CR2: variants seen among roughly 807,000 people sequenced by gnomAD.
CR2 encodes the protein complement C3d receptor 2.
CR2 carries 96 observed loss-of-function variants against 123.0 expected under a neutral mutation model. The observed-to-expected ratio is 0.78, with a 90% confidence interval of 0.66 to 0.93. CR2 has a LOEUF of 0.93. Ranked by LOEUF, CR2 falls within the 40% of genes least tolerant of loss-of-function variation. CR2 has a pLI of 0.00. For missense variants in CR2, 1,258 were observed against 1,361.0 expected, an observed-to-expected ratio of 0.92 and a Z score of 1.19; for synonymous variants, 484 against 469.5, an observed-to-expected ratio of 1.03 and a Z score of -0.40.
In CR2 at chr1:207,466,802, A is replaced by G; in HGVS notation, c.335A>G (p.Asp112Gly). The G allele has an allele frequency of 6.2e-7, 1 of 1,614,010 alleles. No individual in the cohort carries two copies. Among genetic ancestry groups the G allele is most frequent in the Non-Finnish European group, 8.5e-7 (1 of 1,179,978 alleles). The stretch of plus-strand genomic sequence containing the variant: ...GGCTCTACACCCTACAGACATGGTG[A>G]TTCTGTGACATTTGCCTGTAAAACC... ...IRGSTPYRHG[D>G]SVTFACKTNF... The change falls in exon 2 of 20, where the codon GAT becomes GGT. Residue 112 changes from aspartate (D) to glycine (G), a missense_variant. Transcript: ENST00000367057.
At chr1:207,473,477 G>A (rs1397787417) in intron 10 of CR2, 68 bp from the exon 11 acceptor site, 2 of 1,473,852 alleles carry the variant, frequency 1.4e-6, no homozygotes, top group Non-Finnish European at 1.9e-6. Flanking sequence ...GTCCAATGTT[G>A]TACACTTAGT....
rs1384405322 is a variant in CR2, at chr1:207,474,888, C to T, written c.2388C>T (p.Asn796=). 3.7e-6 allele frequency: 6 copies of T among 1,614,052 alleles called. No homozygotes were observed. The highest frequency in any genetic ancestry group is 1.1e-5 in the South Asian group (1 of 91,088). The change falls in exon 14 of 20, where the codon AAC becomes AAT. Residue 796 remains asparagine, a synonymous_variant. Coordinates refer to ENST00000367057, the MANE Select transcript of CR2 (RefSeq NM_001006658.3). ...AGCACACAGGCATGATGGCAGAAAA[C>T]TTTCTATATGGAAATGAAGTCTCTT... The part of the protein sequence containing the change: ...NGKHTGMMAE[N]FLYGNEVSYE...
intron 15 of CR2, among the ~76,000 whole-genome samples, chr1:207,476,871 G>A (rs1020864306): frequency 1.3e-5 from 2 of 152,244 alleles, no homozygotes; most frequent in Non-Finnish European, 2.9e-5. Flanking sequence ...AATATGACTA[G>A]TAAATTAGTG....
chr1:207,465,130 A>G (rs1022832327), intron 1 of CR2, among the ~76,000 whole-genome samples: 7 of 152,044 alleles, frequency 4.6e-5, no homozygotes, highest in Non-Finnish European at 1.0e-4. Flanking sequence ...GGGTTTCACC[A>G]TGTTGACCAG....
chr1:207,482,892 A>G (rs990691123), intron 18 of CR2, among the ~76,000 whole-genome samples: 7 of 151,888 alleles, frequency 4.6e-5, no homozygotes, highest in African/African-American at 1.7e-4. Flanking sequence ...ATGGCTGGGA[A>G]ATAGTGTGTG....
At position 207,475,156 on chromosome 1, in the gene CR2, G is replaced by A. The variant is rs748038018; in HGVS notation, c.2656G>A (p.Val886Met). Residue 886 changes from valine (V) to methionine (M), a missense_variant, in exon 14 of 20, where the codon GTG (valine) becomes ATG (methionine). Transcript: ENST00000367057. ...TGGCTTCATCATGAATGGTAGTCGC[G>A]TGATTAGGTGTCATACTGATAACAC... is the stretch of plus-strand genomic sequence containing the variant. ...NPGFIMNGSRVIRCHTDNTWV... is the reference protein window; with the variant it reads ...NPGFIMNGSRMIRCHTDNTWV... The A allele has an allele frequency of 3.6e-5, 58 of 1,612,814 alleles. No homozygotes were observed. In the East Asian group the frequency reaches 5.1e-4, roughly 14 times the overall value.
intron 12 of CR2, 72 bp downstream of exon 12, chr1:207,473,957 G>A (rs1658362133): frequency 1.4e-6 from 2 of 1,409,334 alleles, no homozygotes; most frequent in Non-Finnish European, 2.0e-6. Flanking sequence ...CCTTCAACTT[G>A]TCTTGGTGGC....
At position 207,485,492 on chromosome 1, in the gene CR2, G is replaced by A; in HGVS notation, c.3217G>A (p.Glu1073Lys). 6 of 1,612,902 alleles carry A rather than the reference G, an allele frequency of 3.7e-6. No individual in the cohort carries two copies. Among genetic ancestry groups the A allele is most frequent in the Non-Finnish European group, 5.1e-6 (6 of 1,178,952 alleles). ...RNYYTDTSQK[E>K]AFHLEAREVY... The stretch of plus-strand genomic sequence containing the variant: ...TTATTATACAGATACAAGCCAGAAA[G>A]AAGCTTTTCATTTAGAAGCACGAGA... The change falls in exon 19 of 20, where the codon GAA becomes AAA. Residue 1073 changes from glutamate (E) to lysine (K), a missense_variant. By Grantham distance (56) the Glu-to-Lys change is moderately conservative. Transcript: ENST00000367057.
At chr1:207,485,884 C>A (rs971513483) in intron 19 of CR2, among the ~76,000 whole-genome samples, 1 of 151,906 alleles carries the variant, frequency 6.6e-6, no homozygotes, top group African/African-American at 2.4e-5. Flanking sequence ...ACAGGGTGGT[C>A]GCAAGGGAAG....
chr1:207,461,005 A>G (rs1446046733), intron 1 of CR2, among the ~76,000 whole-genome samples: 1 of 152,172 alleles, frequency 6.6e-6, no homozygotes, highest in Non-Finnish European at 1.5e-5. Context: ...CTGAGCTTTT[A>G]CAAGATCTCT....
rs372176787 is a variant in CR2, at chr1:207,454,405, G to A, written c.-14G>A. ...TCTCGGAACGCATCCCGCCGCGGGG[G>A]CTTCGGCCGTGGCATGGGCGCCGCG... On this transcript the variant is annotated 5_prime_UTR_variant, in exon 1 of 20. Coordinates refer to ENST00000367057, the MANE Select transcript of CR2 (RefSeq NM_001006658.3). The surrounding 1 kb of genome is among the most constrained non-coding windows in gnomAD (Gnocchi z 4.3). The A allele has an allele frequency of 2.5e-6, 4 of 1,575,298 alleles. No individual in the cohort carries two copies. Among genetic ancestry groups the A allele is most frequent in the Non-Finnish European group, 2.6e-6 (3 of 1,167,764 alleles).
At position 207,471,024 on chromosome 1, in the gene CR2, A is replaced by G; in HGVS notation, c.1430A>G (p.Gln477Arg). ...KVAACEATGRQLLTKPQHQFV... is the reference protein window; with the variant it reads ...KVAACEATGRRLLTKPQHQFV... The stretch of plus-strand genomic sequence containing the variant: ...GCAGCGTGTGAAGCTACAGGAAGGC[A>G]ACTCTTGACAAAACCCCAGCACCAA... Residue 477 changes from glutamine to arginine, a missense_variant, in exon 8 of 20, where the codon CAA becomes CGA. By Grantham distance (43) the Gln-to-Arg change is conservative. Coordinates refer to ENST00000367057, the MANE Select transcript of CR2 (RefSeq NM_001006658.3). 2 of 1,613,868 alleles carry G rather than the reference A, an allele frequency of 1.2e-6. No homozygotes were observed. Among genetic ancestry groups the G allele is most frequent in the Non-Finnish European group, 1.7e-6 (2 of 1,179,842 alleles).
chr1:207,487,983 G>A (rs1658794042), intron 19 of CR2, among the ~76,000 whole-genome samples: 1 of 152,182 alleles, frequency 6.6e-6, no homozygotes, highest in Non-Finnish European at 1.5e-5. Flanking sequence ...AGAGAGTTAA[G>A]AAGAAAAAGG....
chr1:207,472,660 A>AC lies in CR2; in HGVS notation c.1571-109dup, dbSNP rs573042912. On this transcript the variant is annotated intron_variant, in intron 9 of 19. Coordinates refer to ENST00000367057, the MANE Select transcript of CR2 (RefSeq NM_001006658.3). ...CACACAACTCACATCATGAAAATGT[A>AC]CCCATACCGTCCAGGAAACAACAGA... The AC allele has an allele frequency of 4.8e-3, 5,076 of 1,050,762 alleles. 21 individuals carry two copies. The highest frequency in any genetic ancestry group is 5.7e-3 in the Non-Finnish European group (3,968 of 699,560). 65.1% of individuals were successfully genotyped at this position (1,050,762 alleles called of 1,614,324 possible). A position where few individuals can be genotyped will look rare whatever the true frequency, so the allele number is the denominator to read the frequency against.
At chr1:207,480,243 T>C (rs1477635983) in intron 18 of CR2, among the ~76,000 whole-genome samples, 190 bp downstream of exon 18, 1 of 152,220 alleles carries the variant, frequency 6.6e-6, no homozygotes, top group African/African-American at 2.4e-5. Flanking sequence ...ACTTAGCTTA[T>C]TTTATTGAAT....
At chr1:207,478,102 A>G (rs1572961717) in intron 16 of CR2, 32 bp downstream of exon 16, 1 of 1,604,796 alleles carries the variant, frequency 6.2e-7, no homozygotes, top group Non-Finnish European at 8.5e-7. Context: ...GCCGCTTGTA[A>G]CTGGCTAACG....
intron 19 of CR2, among the ~76,000 whole-genome samples, chr1:207,487,890 A>G (rs1173026997): frequency 6.6e-6 from 1 of 152,204 alleles, no homozygotes; most frequent in Admixed American, 6.5e-5. Flanking sequence ...GAACGTGTGG[A>G]AGTTCTCTTC....
Position 207,485,518 on chromosome 1 carries a change from AGT to A in CR2, c.3244_3245del (p.Val1082IlefsTer4), listed in dbSNP as rs775594743. On this transcript the variant is annotated frameshift_variant, in exon 19 of 20. Coordinates refer to ENST00000367057, the MANE Select transcript of CR2 (RefSeq NM_001006658.3). LOFTEE classifies it high-confidence loss of function. Reference sequence around the variant, plus strand: ...AAGCTTTTCATTTAGAAGCACGAGAAGTATATTCTGTTGATCCATACAACCCA... The same window carrying A: ...AAGCTTTTCATTTAGAAGCACGAGAAATATTCTGTTGATCCATACAACCCA... Reference protein sequence around the residue: ...KEAFHLEAREVYSVDPYNPAS With the variant: ...KEAFHLEAREXYSVDPYNPAS The A allele has an allele frequency of 1.5e-4, 248 of 1,613,416 alleles. No individual in the cohort carries two copies. Among genetic ancestry groups the A allele is most frequent in the Non-Finnish European group, 2.1e-4 (245 of 1,179,472 alleles).
intron 1 of CR2, among the ~76,000 whole-genome samples, chr1:207,463,863 T>C (rs768014641): frequency 6.6e-6 from 1 of 152,140 alleles, no homozygotes; most frequent in Non-Finnish European, 1.5e-5. Flanking sequence ...CCCTATTTAA[T>C]TCCTCTTGTC....
Sources: allele counts gnomAD v4.1 joint callset (sites outside exome capture counted in the v4.1 genomes callset), GRCh38; gene constraint gnomAD v4.1.1; non-coding constraint Gnocchi (gnomAD v3.1); transcripts MANE v1.5; gene names NCBI Gene and HGNC (gene_info 2026-07-23, HGNC 2026-07-21).